The following FHIT variants were observed in gnomAD, a reference collection of about 807,000 sequenced individuals.
The protein encoded by FHIT is fragile histidine triad diadenosine triphosphatase.
FHIT carries 19 observed loss-of-function variants against 17.9 expected under a neutral mutation model. The observed-to-expected ratio is 1.06, with a 90% CI of 0.74 to 1.56. The LOEUF is 1.56. Ranked by LOEUF, FHIT falls within the 40% of genes most tolerant of loss-of-function variation. FHIT has a pLI of 0.00. For synonymous variants in FHIT, 81 were observed against 69.7 expected (o/e 1.16, Z -0.81); for missense variants, 248 against 189.2 (o/e 1.31, Z -1.82).
At chr3:60,525,542 A>T (rs2035541168) in intron 5 of FHIT, among the ~76,000 whole-genome samples, 1 of 152,130 alleles carries the variant, frequency 6.6e-6, no homozygotes, top group South Asian at 2.1e-4. Context: ...CTTTGCCATT[A>T]CTTTTCCAGC....
intron 2 of FHIT, among the ~76,000 whole-genome samples, chr3:61,091,547 T>C (rs895787178): frequency 1.3e-5 from 2 of 152,008 alleles, no homozygotes; most frequent in Non-Finnish European, 2.9e-5. Flanking sequence ...TTCTTTGGGG[T>C]CAAGCAACGC....
chr3:59,765,728 G>A (rs1009162864), intron 8 of FHIT, among the ~76,000 whole-genome samples: 1 of 152,062 alleles, frequency 6.6e-6, no homozygotes, highest in African/African-American at 2.4e-5. Context: ...ATGACTGCCA[G>A]GTATATTACC....
At chr3:60,320,553 C>G (rs778979857) in intron 5 of FHIT, among the ~76,000 whole-genome samples, 1 of 152,020 alleles carries the variant, frequency 6.6e-6, no homozygotes, top group Non-Finnish European at 1.5e-5. Context: ...TAATCCTTGT[C>G]CAATCACTGT....
At chr3:60,441,456 TC>T (rs142289375) in intron 5 of FHIT, among the ~76,000 whole-genome samples, 8,226 of 151,756 alleles carry the variant, frequency 0.054, 280 homozygotes, top group Middle Eastern at 0.13. Context: ...AACAACAAAA[TC>T]TTTAAAAAAC....
chr3:60,569,755 A>ATATATATATATTTTT lies in FHIT; in HGVS notation c.-17-32777_-17-32776insAAAAATATATATATA. On this transcript the variant is annotated intron_variant, in intron 4 of 9. Coordinates refer to ENST00000492590, the MANE Select transcript of FHIT (RefSeq NM_002012.4). ...TATATATATATATATATATATATAT[A>ATATATATATATTTTT]TTTTTTTTTTTTTTAGACAGAGTTT... Among the ~76,000 whole-genome samples, 378 of 77,324 alleles carry ATATATATATATTTTT rather than the reference A, an allele frequency of 4.9e-3. 4 individuals carry two copies. The highest frequency in any genetic ancestry group is 0.014 in the African/African-American group (294 of 20,662). 50.7% of individuals were successfully genotyped at this position (77,324 alleles called of 152,430 possible).
At chr3:60,487,104 T>C (rs2033876094) in intron 5 of FHIT, among the ~76,000 whole-genome samples, 1 of 152,194 alleles carries the variant, frequency 6.6e-6, no homozygotes, top group Admixed American at 6.5e-5. Flanking sequence ...TTGAATCGAA[T>C]AGTCATCACA....
intron 5 of FHIT, among the ~76,000 whole-genome samples, chr3:60,530,058 C>T (rs1265372225): frequency 6.6e-6 from 1 of 152,146 alleles, no homozygotes; most frequent in Admixed American, 6.5e-5. Context: ...AATGCATAAT[C>T]AGGTCAGGCC....
At chr3:60,264,737 G>T (rs1282829851) in intron 5 of FHIT, among the ~76,000 whole-genome samples, 2 of 151,880 alleles carry the variant, frequency 1.3e-5, no homozygotes, top group Non-Finnish European at 2.9e-5. Context: ...GTTCTTGAAT[G>T]TTCAAGTACA....
chr3:60,772,100 T>C (rs1214939018), intron 4 of FHIT, among the ~76,000 whole-genome samples: 1 of 151,836 alleles, frequency 6.6e-6, no homozygotes, highest in Non-Finnish European at 1.5e-5. Context: ...AACCAATAAA[T>C]ATGTCTAGAC....
intron 3 of FHIT, among the ~76,000 whole-genome samples, chr3:60,835,298 T>G (rs1702496645): frequency 6.6e-6 from 1 of 152,184 alleles, no homozygotes; most frequent in South Asian, 2.1e-4. Flanking sequence ...GCTTTAAACC[T>G]GTATATCAAT....
At chr3:61,035,808 T>C (rs1373177326) in intron 3 of FHIT, among the ~76,000 whole-genome samples, 4 of 152,202 alleles carry the variant, frequency 2.6e-5, no homozygotes, top group Admixed American at 1.3e-4. Context: ...ATTTGGAAGG[T>C]AGGCCCTGCT....
intron 4 of FHIT, among the ~76,000 whole-genome samples, chr3:60,713,507 T>TCAA (rs1198452827): frequency 1.4e-5 from 2 of 147,952 alleles, no homozygotes; most frequent in Non-Finnish European, 3.0e-5. Flanking sequence ...TTTGAAAGGA[T>TCAA]CAACAAAATT....
At chr3:59,809,077 C>G (rs776925208) in intron 8 of FHIT, among the ~76,000 whole-genome samples, 1 of 152,144 alleles carries the variant, frequency 6.6e-6, no homozygotes, top group Non-Finnish European at 1.5e-5. Flanking sequence ...AGGGCTTAAA[C>G]TTGAAATGTT....
chr3:60,231,742 T>C (rs1482129802), intron 5 of FHIT, among the ~76,000 whole-genome samples: 1 of 152,216 alleles, frequency 6.6e-6, no homozygotes, highest in East Asian at 1.9e-4. Context: ...ATTAAATAGA[T>C]GAGCACATTG....
intron 5 of FHIT, among the ~76,000 whole-genome samples, chr3:60,097,215 G>A (rs537571052): frequency 6.6e-6 from 1 of 152,036 alleles, no homozygotes; most frequent in East Asian, 1.9e-4. Flanking sequence ...ACAGGTAACT[G>A]AACATCTTAT....
chr3:59,775,067 T>C (rs1396245744), intron 8 of FHIT, among the ~76,000 whole-genome samples: 3 of 152,236 alleles, frequency 2.0e-5, no homozygotes, highest in Non-Finnish European at 4.4e-5. Flanking sequence ...CTCTGGGCTA[T>C]AATTCCCAGT....
intron 2 of FHIT, among the ~76,000 whole-genome samples, chr3:61,138,598 C>T (rs113472348): frequency 1.6e-4 from 25 of 152,306 alleles, no homozygotes; most frequent in Admixed American, 6.5e-4. Flanking sequence ...ACAAAAATGA[C>T]GGTGGCACAA....
At chr3:60,482,202 C>T (rs912450108) in intron 5 of FHIT, among the ~76,000 whole-genome samples, 9 of 152,128 alleles carry the variant, frequency 5.9e-5, no homozygotes, top group African/African-American at 2.2e-4. Context: ...TACAAAGAGA[C>T]TTAGACTCCC....
intron 5 of FHIT, among the ~76,000 whole-genome samples, chr3:60,351,057 T>C (rs1429649520): frequency 6.6e-6 from 1 of 151,688 alleles, no homozygotes; most frequent in Non-Finnish European, 1.5e-5. Flanking sequence ...CCAAAAGCTA[T>C]ATTGCAGCCT....
Sources: allele counts gnomAD v4.1 joint callset (sites outside exome capture counted in the v4.1 genomes callset), GRCh38; gene constraint gnomAD v4.1.1; transcripts MANE v1.5; gene names NCBI Gene and HGNC (gene_info 2026-07-23, HGNC 2026-07-21).